CXXC1: variants seen among roughly 807,000 people sequenced by gnomAD.
CXXC1 encodes CXXC-type zinc finger protein 1.
CXXC1 carries 21 observed loss-of-function variants against 83.6 expected under a neutral mutation model. The observed-to-expected ratio is 0.25, with a 90% CI of 0.18 to 0.36. The LOEUF (loss-of-function observed/expected upper bound fraction) is 0.36, where lower values mean the gene tolerates loss of function less well. Among genes scored for constraint, CXXC1 ranks in the 10% least tolerant of loss-of-function variants. The pLI is 1.00. For missense variants in CXXC1, 688 were observed against 919.5 expected (o/e 0.75, Z 3.26); for synonymous variants, 371 against 337.5 (o/e 1.10, Z -1.09).
At chr18:50,286,943 G>A in intron 1 of CXXC1, 85 bp from the exon 2 acceptor site, 1 of 966,802 alleles carries the variant, frequency 1.0e-6, no homozygotes. Context: ...GTGGTCAGCA[G>A]GGATCCCCAC....
rs762766836 is a variant in CXXC1, at chr18:50,285,905, C to T, written c.483G>A (p.Gln161=). ...PSQHHQQQQQ[Q]IKRSARMCGE... ...CACACATGCGGGCTGACCGTTTGAT[C>T]TGCTGCTGCTGCTGCTGGTGATGCT... Residue 161 remains glutamine, a synonymous_variant, in exon 5 of 15, where the codon CAG becomes CAA. Coordinates refer to ENST00000285106, the MANE Select transcript of CXXC1 (RefSeq NM_014593.4). This position sits in a 1 kb window ranked among gnomAD's most constrained non-coding sequence, Gnocchi z 4.4. 2.1e-5 allele frequency: 32 copies of T among 1,535,202 alleles called. No individual in the cohort carries two copies. Among genetic ancestry groups the T allele is most frequent in the African/African-American group, 1.5e-4 (11 of 72,868 alleles).
intron 9 of CXXC1, 103 bp from the exon 10 acceptor site, chr18:50,284,204 G>T: frequency 1.4e-6 from 2 of 1,456,560 alleles, no homozygotes; most frequent in African/African-American, 1.4e-5. Context: ...GGTGACTGGC[G>T]GAATGGTGGC....
Position 50,284,810 on chromosome 18 carries a change from T to C in CXXC1, c.942A>G (p.Pro314=), listed in dbSNP as rs2040686662. Residue 314 remains proline, a synonymous_variant, in exon 8 of 15, where the codon CCA becomes CCG. Coordinates refer to ENST00000285106, the MANE Select transcript of CXXC1 (RefSeq NM_014593.4). ...TCTTCCGCAGCGCGGGGTCCAGGAATGGGGACTCTTCTGTGTCGCTCATCC... is the reference window on the plus strand; with the variant it reads ...TCTTCCGCAGCGCGGGGTCCAGGAACGGGGACTCTTCTGTGTCGCTCATCC... ...LPWMSDTEES[P]FLDPALRKRA... 13 of 1,614,192 alleles carry C rather than the reference T, an allele frequency of 8.1e-6. No homozygotes were observed. The highest frequency in any genetic ancestry group is 1.1e-5 in the Non-Finnish European group (13 of 1,180,034).
rs2040688989 is a variant in CXXC1 at position 50,284,928 on chromosome 18, T to C, written c.912+74A>G. ...TCCCATATCAGCCTTCCATACCCTC[T>C]GTCTCCTCATTAGGGATACTCTCTG... On this transcript the variant is annotated intron_variant, in intron 7 of 14. Transcript: ENST00000285106. The C allele has an allele frequency of 6.8e-6, 11 of 1,612,350 alleles. No homozygotes were observed. In the South Asian group the frequency reaches 1.2e-4, roughly 18 times the overall value.
At position 50,284,722 on chromosome 18, in the gene CXXC1, T is replaced by C; in HGVS notation, c.1020+10A>G. On this transcript the variant is annotated intron_variant, in intron 8 of 14. Transcript: ENST00000285106. ...CTGCCTTTCCACATCCACTTTACCC[T>C]CTCCATCACCTTCTTCTCAGACTTC... 1 of 1,612,612 alleles carries C rather than the reference T, an allele frequency of 6.2e-7. No homozygotes were observed. Among genetic ancestry groups the C allele is most frequent in the Non-Finnish European group, 8.5e-7 (1 of 1,179,294 alleles).
At position 50,284,433 on chromosome 18, in the gene CXXC1, C is replaced by T. The variant is rs752861116; in HGVS notation, c.1150G>A (p.Ala384Thr). The T allele has an allele frequency of 2.5e-5, 40 of 1,593,008 alleles. 2 individuals are homozygous for T. The highest frequency in any genetic ancestry group is 5.7e-5 in the South Asian group (5 of 88,136). Residue 384 changes from alanine to threonine, a missense_variant, in exon 9 of 15, where the codon GCC becomes ACC. Ala to Thr is a moderately conservative substitution (Grantham distance 58). This residue lies in a region of CXXC1 where 100 missense variants were observed against 142.5 expected (regional missense o/e 0.70). Coordinates refer to ENST00000285106, the MANE Select transcript of CXXC1 (RefSeq NM_014593.4). Reference protein sequence around the residue: ...QCLGPGCVRPAQPSSKYCSDD... With the variant: ...QCLGPGCVRPTQPSSKYCSDD... Reference sequence around the variant, plus strand: ...GAGCAATACTTGGAGCTGGGCTGGGCGGGGCGCACACAGCCGGGCCCCAGG... The same window carrying T: ...GAGCAATACTTGGAGCTGGGCTGGGTGGGGCGCACACAGCCGGGCCCCAGG...
chr18:50,285,934 G>C lies in CXXC1; in HGVS notation c.460-6C>G. 1.2e-6 allele frequency: 2 copies of C among 1,613,972 alleles called. No individual in the cohort carries two copies. Among genetic ancestry groups the C allele is most frequent in the Non-Finnish European group, 1.7e-6 (2 of 1,180,024 alleles). On this transcript the variant is annotated splice_polypyrimidine_tract_variant and splice_region_variant and intron_variant, in intron 4 of 14. Transcript: ENST00000285106. This position sits in a 1 kb window ranked among gnomAD's most constrained non-coding sequence, Gnocchi z 4.4. ...TGCTGCTGCTGCTGGTGATGCTGCA[G>C]GAGGGGGCCCAGAACAGAAATCATG...
At chr18:50,283,231 G>A in intron 13 of CXXC1, 34 bp downstream of exon 13, 1 of 1,565,610 alleles carries the variant, frequency 6.4e-7, no homozygotes, top group South Asian at 1.1e-5. Context: ...CAGGGAGGAG[G>A]GGCAAAATGG....
At position 50,285,326 on chromosome 18, in the gene CXXC1, G is replaced by A. The variant is rs768273961; in HGVS notation, c.665C>T (p.Ser222Leu). ...CCCACCCTGGGGGGCTGGACTCACCGAGGAAGGGAAGTACTTGTACGATTC... is the reference window on the plus strand; with the variant it reads ...CCCACCCTGGGGGGCTGGACTCACCAAGGAAGGGAAGTACTTGTACGATTC... ...ARESYKYFPSSLSPVTPSESL... is the reference protein window; with the variant it reads ...ARESYKYFPSLLSPVTPSESL... Residue 222 changes from serine (S) to leucine (L), a missense_variant and splice_region_variant, in exon 6 of 15, where the codon TCG becomes TTG. By Grantham distance (145) the Ser-to-Leu change is moderately radical (BLOSUM62 -2). Coordinates refer to ENST00000285106, the MANE Select transcript of CXXC1 (RefSeq NM_014593.4). The surrounding 1 kb of genome is among the most constrained non-coding windows in gnomAD (Gnocchi z 4.4). 1.1e-5 allele frequency: 18 copies of A among 1,603,638 alleles called. No individual in the cohort carries two copies. Among genetic ancestry groups the A allele is most frequent in the Non-Finnish European group, 1.4e-5 (17 of 1,173,978 alleles).
Position 50,286,009 on chromosome 18 carries a change from T to A in CXXC1, c.459+13A>T, listed in dbSNP as rs369318319. The A allele has an allele frequency of 3.1e-6, 5 of 1,613,784 alleles. No individual in the cohort carries two copies. Among genetic ancestry groups the A allele is most frequent in the Non-Finnish European group, 3.4e-6 (4 of 1,179,806 alleles). On this transcript the variant is annotated intron_variant, in intron 4 of 14. Transcript: ENST00000285106. The stretch of plus-strand genomic sequence containing the variant: ...CCACTTTACACATCCATTCACTTTA[T>A]GCAGCCACTCACCTGGCTGGGTGTG...
Position 50,287,624 on chromosome 18 carries a change from G to T in CXXC1, c.-35C>A. The T allele has an allele frequency of 1.2e-6, 2 of 1,608,868 alleles. No homozygotes were observed. The highest frequency in any genetic ancestry group is 2.2e-5 in the South Asian group (2 of 91,036). On this transcript the variant is annotated 5_prime_UTR_variant, in exon 1 of 15. Coordinates refer to ENST00000285106, the MANE Select transcript of CXXC1 (RefSeq NM_014593.4). ...CCCGGCGCACTCCCTCACGACCCCC[G>T]CCAGCGACCCGCGAACCTGCACAGA...
Position 50,286,103 on chromosome 18 carries a change from T to C in CXXC1, c.378A>G (p.Thr126=), listed in dbSNP as rs1342894708. ...CCCGAGCAAGCATGGCCCCAACCCC[T>C]GTCCCTGACCCTGCCCGGCGCTGCA... ...PDLQRRAGSG[T]GVGAMLARGS... The change falls in exon 4 of 15, where the codon ACA becomes ACG. Residue 126 remains threonine, a synonymous_variant. Transcript: ENST00000285106. 1 of 1,614,002 alleles carries C rather than the reference T, an allele frequency of 6.2e-7. No individual in the cohort carries two copies. The highest frequency in any genetic ancestry group is 1.1e-5 in the South Asian group (1 of 91,080).
intron 2 of CXXC1, 21 bp from the exon 3 acceptor site, chr18:50,286,660 G>C (rs1247254504): frequency 6.2e-7 from 1 of 1,612,654 alleles, no homozygotes; most frequent in South Asian, 1.1e-5. Context: ...TGGGGCAGGC[G>C]ATGGAGATGT....
chr18:50,286,400 G>T, intron 3 of CXXC1, 139 bp downstream of exon 3: 1 of 1,056,264 alleles, frequency 9.5e-7, no homozygotes, highest in Non-Finnish European at 1.4e-6. Flanking sequence ...CTCTTCCCGT[G>T]GGATCTTCTA....
chr18:50,282,658 T>C lies in CXXC1; in HGVS notation c.1906A>G (p.Met636Val), dbSNP rs1390775187. 2 of 1,613,126 alleles carry C rather than the reference T, an allele frequency of 1.2e-6. No individual in the cohort carries two copies. The highest frequency in any genetic ancestry group is 1.7e-6 in the Non-Finnish European group (2 of 1,180,012). Residue 636 changes from methionine to valine, a missense_variant, in exon 15 of 15, where the codon ATG becomes GTG. This residue lies in a region of CXXC1 where 114 missense variants were observed against 173.3 expected (regional missense o/e 0.66). Transcript: ENST00000285106. This position sits in a 1 kb window ranked among gnomAD's most constrained non-coding sequence, Gnocchi z 5.8. The part of the protein sequence containing the change: ...MTNRAGLLAL[M>V]LHQTIQHDPL... Reference sequence around the variant, plus strand: ...TCGTGCTGGATCGTCTGGTGCAGCATCAGGGCCAGCAATCCCGCGCGGTTT... The same window carrying C: ...TCGTGCTGGATCGTCTGGTGCAGCACCAGGGCCAGCAATCCCGCGCGGTTT...
At position 50,284,983 on chromosome 18, in the gene CXXC1, G is replaced by A. The variant is rs2040689728; in HGVS notation, c.912+19C>T. The A allele has an allele frequency of 2.5e-6, 4 of 1,613,872 alleles. No individual in the cohort carries two copies. The highest frequency in any genetic ancestry group is 3.4e-6 in the Non-Finnish European group (4 of 1,179,804). ...TGTAACCTCCACCCTTCCACCAGTG[G>A]ATGCTCCTGTCTGCTCACCAGGCCA... On this transcript the variant is annotated intron_variant, in intron 7 of 14. Coordinates refer to ENST00000285106, the MANE Select transcript of CXXC1 (RefSeq NM_014593.4).
Position 50,284,359 on chromosome 18 carries a change from C to A in CXXC1, c.1205+19G>T, listed in dbSNP as rs545499447. 4 of 1,527,004 alleles carry A rather than the reference C, an allele frequency of 2.6e-6. No homozygotes were observed. In the South Asian group the frequency reaches 3.8e-5, roughly 15 times the overall value. 94.6% of individuals were successfully genotyped at this position (1,527,004 alleles called of 1,614,324 possible). On this transcript the variant is annotated intron_variant, in intron 9 of 14. Transcript: ENST00000285106. ...CCATGCACTTCCTGACTCCCTTGAA[C>A]CTCTCAGGAATGACTCACTTGGCTG...
intron 3 of CXXC1, 97 bp from the exon 4 acceptor site, chr18:50,286,354 C>T (rs1355259622): frequency 8.3e-7 from 1 of 1,211,230 alleles, no homozygotes; most frequent in Non-Finnish European, 1.2e-6. Flanking sequence ...ACTGACCCAC[C>T]CACCTACTCT....
Position 50,287,036 on chromosome 18 carries a change from C to A in CXXC1, c.4-178G>T. The stretch of plus-strand genomic sequence containing the variant: ...TGACCCCCATCCCTTCCTCTGACAT[C>A]CTATTACTCTGCTCCATACTTCCCA... On this transcript the variant is annotated intron_variant, in intron 1 of 14. Coordinates refer to ENST00000285106, the MANE Select transcript of CXXC1 (RefSeq NM_014593.4). 6.6e-6 allele frequency: 4 copies of A among 607,634 alleles called. No homozygotes were observed. In the South Asian group the frequency reaches 7.4e-5, roughly 11 times the overall value. 37.6% of individuals were successfully genotyped at this position (607,634 alleles called of 1,614,324 possible). A position where few individuals can be genotyped will look rare whatever the true frequency, so the allele number is the denominator to read the frequency against.
Sources: allele counts gnomAD v4.1 joint callset, GRCh38; gene constraint gnomAD v4.1.1; regional missense constraint gnomAD v4.1.1; non-coding constraint Gnocchi (gnomAD v3.1); transcripts MANE v1.5; gene names NCBI Gene and HGNC (gene_info 2026-07-23, HGNC 2026-07-21).